The following PCDHGA1 variants were observed in gnomAD, a reference collection of about 807,000 sequenced individuals.
The protein encoded by PCDHGA1 is protocadherin gamma-A1.
PCDHGA1 carries 32 observed loss-of-function variants against 58.0 expected under a neutral mutation model. That is an observed-to-expected ratio of 0.55 (90% confidence interval 0.42 to 0.74). The LOEUF is 0.74. Among genes scored for constraint, PCDHGA1 ranks in the 30% least tolerant of loss-of-function variants. PCDHGA1 has a pLI of 0.00. For synonymous variants in PCDHGA1, 498 were observed against 501.1 expected (o/e 0.99, Z 0.08); for missense variants, 1,205 against 1,182.3 (o/e 1.02, Z -0.28).
At chr5:141,458,064 C>T (rs886724551) in intron 1 of PCDHGA1, among the ~76,000 whole-genome samples, 14 of 152,104 alleles carry the variant, frequency 9.2e-5, no homozygotes, top group East Asian at 3.9e-4. Context: ...TGCACTGATG[C>T]GAACAACTAT....
chr5:141,347,172 T>TTTCTTTCTTTCTTTCC (rs1757920988), intron 1 of PCDHGA1, among the ~76,000 whole-genome samples: 1 of 149,064 alleles, frequency 6.7e-6, no homozygotes, highest in Non-Finnish European at 1.5e-5. Context: ...TCTTTCTTTC[T>TTTCTTTCTTTCTTTCC]TTCTTTCTTG....
chr5:141,360,895 G>C lies in PCDHGA1; in HGVS notation c.2421+27790G>C, dbSNP rs766855815. The stretch of plus-strand genomic sequence containing the variant: ...CGTGTACAGGGTCACCCTGAGGGAG[G>C]ACGTGCCGCCGGGCTTCTTTGTGCT... On this transcript the variant is annotated intron_variant, in intron 1 of 3. Coordinates refer to ENST00000517417, the MANE Select transcript of PCDHGA1 (RefSeq NM_018912.3). The C allele has an allele frequency of 6.2e-6, 10 of 1,614,046 alleles. No homozygotes were observed. The Admixed American group carries it at 1.7e-4, about 27-fold the overall frequency.
intron 1 of PCDHGA1, chr5:141,352,715 C>A (rs993936789): frequency 1.7e-5 from 26 of 1,538,320 alleles, no homozygotes; most frequent in Admixed American, 3.9e-5. Flanking sequence ...GGCGGCCGGG[C>A]GCGGTGGCTC....
intron 1 of PCDHGA1, among the ~76,000 whole-genome samples, chr5:141,401,210 C>T (rs1038078572): frequency 3.9e-5 from 6 of 151,956 alleles, no homozygotes; most frequent in Non-Finnish European, 5.9e-5. Flanking sequence ...GGTGTGGTGG[C>T]GGGCGCCTGT....
chr5:141,464,343 A>C (rs944042669), intron 1 of PCDHGA1, among the ~76,000 whole-genome samples: 7 of 151,212 alleles, frequency 4.6e-5, no homozygotes, highest in African/African-American at 1.5e-4. Context: ...ATGACTTGTC[A>C]TTTAGGTAGT....
chr5:141,347,137 C>CTCTTTCTTTCTTTCTTTATT (rs1757892223), intron 1 of PCDHGA1, among the ~76,000 whole-genome samples: 1 of 113,744 alleles, frequency 8.8e-6, no homozygotes, highest in African/African-American at 3.8e-5. Context: ...CTCTGTTTCT[C>CTCTTTCTTTCTTTCTTTATT]TCTTTCTTTC....
chr5:141,331,348 C>T lies in PCDHGA1; in HGVS notation c.664C>T (p.Arg222Cys). The change falls in exon 1 of 4, where the codon CGT becomes TGT. Residue 222 changes from arginine to cysteine, a missense_variant. By Grantham distance (180) the Arg-to-Cys change is radical. Coordinates refer to ENST00000517417, the MANE Select transcript of PCDHGA1 (RefSeq NM_018912.3). ...AGCTTCTGATGGGGGTGAACCAGTC[C>T]GTTCAGGGACCCTCAGAATTTACAT... is the stretch of plus-strand genomic sequence containing the variant. ...LTASDGGEPVRSGTLRIYIQV... is the reference protein window; with the variant it reads ...LTASDGGEPVCSGTLRIYIQV... 2.5e-6 allele frequency: 4 copies of T among 1,614,152 alleles called. No homozygotes were observed. Among genetic ancestry groups the T allele is most frequent in the Non-Finnish European group, 3.4e-6 (4 of 1,180,048 alleles).
intron 1 of PCDHGA1, chr5:141,364,956 A>G: frequency 1.2e-6 from 2 of 1,613,264 alleles, no homozygotes; most frequent in Non-Finnish European, 1.7e-6. Flanking sequence ...ACTGTTCACG[A>G]CCTCCTCCTC....
intron 1 of PCDHGA1, chr5:141,417,091 A>G (rs1345871347): frequency 6.6e-6 from 1 of 152,194 alleles, no homozygotes; most frequent in Non-Finnish European, 1.5e-5. Flanking sequence ...TTTTGATTAT[A>G]ATTATTTAAA....
intron 1 of PCDHGA1, chr5:141,343,883 C>G: frequency 1.6e-6 from 1 of 644,780 alleles, no homozygotes; most frequent in Non-Finnish European, 2.6e-6. Flanking sequence ...TCAGAAGATC[C>G]GGGGCGGCTG....
intron 1 of PCDHGA1, chr5:141,375,685 C>A (rs1771752072): frequency 6.2e-7 from 1 of 1,614,144 alleles, no homozygotes; most frequent in Non-Finnish European, 8.5e-7. Flanking sequence ...GGGTGACAGC[C>A]AGCGACAGCG....
intron 1 of PCDHGA1, among the ~76,000 whole-genome samples, chr5:141,435,175 C>T (rs1199067294): frequency 6.6e-6 from 1 of 152,030 alleles, no homozygotes; most frequent in East Asian, 1.9e-4. Context: ...TGGCTTTTAA[C>T]TACACTTGAG....
Position 141,350,156 on chromosome 5 carries a change from C to G in PCDHGA1, c.2421+17051C>G. 3.0e-6 allele frequency: 3 copies of G among 1,006,090 alleles called. No individual in the cohort carries two copies. In the East Asian group the frequency reaches 8.4e-5, roughly 28 times the overall value. 62.3% of individuals were successfully genotyped at this position (1,006,090 alleles called of 1,614,324 possible). ...GACGCTGCTCCTGTTCACCCTCGAG[C>G]GCCTAACTAATAAGTCCTAAGCTCA... On this transcript the variant is annotated intron_variant, in intron 1 of 3. Coordinates refer to ENST00000517417, the MANE Select transcript of PCDHGA1 (RefSeq NM_018912.3).
At chr5:141,418,248 C>G (rs372067603) in intron 1 of PCDHGA1, 1 of 1,614,000 alleles carries the variant, frequency 6.2e-7, no homozygotes, top group Admixed American at 1.7e-5. Context: ...AATGACCACG[C>G]CCCTCAATTC....
chr5:141,370,114 A>G (rs768527026), intron 1 of PCDHGA1: 72 of 376,222 alleles, frequency 1.9e-4, no homozygotes, highest in Non-Finnish European at 2.7e-4. Flanking sequence ...TCTCCTAACT[A>G]GCTCCTTATT....
In PCDHGA1 at chr5:141,451,935, A is replaced by G. The variant is rs148815534; in HGVS notation, c.2422-42872A>G. Among the ~76,000 whole-genome samples, 120 of 152,282 alleles carry G rather than the reference A, an allele frequency of 7.9e-4. 5 individuals carry two copies. The East Asian group carries it at 0.017, about 21-fold the overall frequency. ...GAGGAAGGAAGGGAGGTAGGGAGGC[A>G]GGGAAAGACCGAGAAAGTGACATAC... On this transcript the variant is annotated intron_variant, in intron 1 of 3. Coordinates refer to ENST00000517417, the MANE Select transcript of PCDHGA1 (RefSeq NM_018912.3).
rs757911282 is a variant in PCDHGA1, at chr5:141,339,666, T to A, written c.2421+6561T>A. 3.1e-6 allele frequency: 5 copies of A among 1,613,982 alleles called. No individual in the cohort carries two copies. The African/African-American group carries it at 5.3e-5, about 17-fold the overall frequency. On this transcript the variant is annotated intron_variant, in intron 1 of 3. Coordinates refer to ENST00000517417, the MANE Select transcript of PCDHGA1 (RefSeq NM_018912.3). ...GGCACCTCCCGCATCTGCGTGAAGG[T>A]CCTGGATGCGAACGACAATGCGCCT...
rs142172414 is a variant in PCDHGA1, at chr5:141,477,145, G to A, written c.2422-17662G>A. On this transcript the variant is annotated intron_variant, in intron 1 of 3. Coordinates refer to ENST00000517417, the MANE Select transcript of PCDHGA1 (RefSeq NM_018912.3). The surrounding 1 kb of genome is among the most constrained non-coding windows in gnomAD (Gnocchi z 4.9). ...ATTGCAAAGTGTTGGTGGAGGTTGT[G>A]GATGTGAATGACAACGCCCCGGAGA... The A allele has an allele frequency of 3.7e-6, 6 of 1,614,054 alleles. No homozygotes were observed. The African/African-American group carries it at 8.0e-5, about 22-fold the overall frequency.
chr5:141,333,392 G>A (rs1756463333), intron 1 of PCDHGA1: 2 of 529,862 alleles, frequency 3.8e-6, no homozygotes, highest in East Asian at 3.1e-5. Flanking sequence ...TAGAAACGGC[G>A]ATCTAGCTTC....
Sources: allele counts gnomAD v4.1 joint callset (sites outside exome capture counted in the v4.1 genomes callset), GRCh38; gene constraint gnomAD v4.1.1; non-coding constraint Gnocchi (gnomAD v3.1); transcripts MANE v1.5; gene names NCBI Gene and HGNC (gene_info 2026-07-23, HGNC 2026-07-21).